The following IL12B variants were observed in gnomAD, a reference collection of about 807,000 sequenced individuals.
IL12B encodes interleukin-12 subunit beta.
Under a neutral mutation model 39.2 loss-of-function variants are expected in IL12B, and 27 were observed. That is an observed-to-expected ratio of 0.69 (90% CI 0.51 to 0.95). The LOEUF is 0.95. IL12B is among the 40% of genes least tolerant of loss of function. IL12B has a pLI of 0.00. For missense variants in IL12B, 351 were observed against 397.6 expected, an observed-to-expected ratio of 0.88 and a Z score of 1.00; for synonymous variants, 142 against 152.1, an observed-to-expected ratio of 0.93 and a Z score of 0.49.
intron 6 of IL12B, 78 bp downstream of exon 6, chr5:159,318,655 TATC>T (rs1754029877): frequency 1.6e-6 from 2 of 1,241,992 alleles, no homozygotes; most frequent in Non-Finnish European, 2.4e-6. Flanking sequence ...TCATTGTTAT[TATC>T]ATCATTCATC....
In IL12B at chr5:159,320,415, GTCC is replaced by G. The variant is rs1562112330; in HGVS notation, c.585_587del (p.Glu195del). On this transcript the variant is annotated inframe_deletion, in exon 5 of 8. Coordinates refer to ENST00000231228, the MANE Select transcript of IL12B (RefSeq NM_002187.3). ...TCTCCTCAGCAGCTGGGCAGGCACT[GTCC>G]TCCTGGCACTCCACTGAGTACTCAT... The G allele has an allele frequency of 1.2e-6, 2 of 1,614,070 alleles. No individual in the cohort carries two copies. The highest frequency in any genetic ancestry group is 1.7e-6 in the Non-Finnish European group (2 of 1,179,950).
intron 4 of IL12B, among the ~76,000 whole-genome samples, chr5:159,321,463 A>G (rs1398692290): frequency 6.6e-6 from 1 of 151,608 alleles, no homozygotes; most frequent in Non-Finnish European, 1.5e-5. Context: ...TATATATTTT[A>G]CTTATACATA....
At position 159,326,729 on chromosome 5, in the gene IL12B, A is replaced by G. The variant is rs1584756661; in HGVS notation, c.54T>C (p.Ser18=). 6.2e-7 allele frequency: 1 copy of G among 1,613,374 alleles called. No homozygotes were observed. The highest frequency in any genetic ancestry group is 8.5e-7 in the Non-Finnish European group (1 of 1,179,414). ...ISWFSLVFLA[S]PLVAIWELKK... is the part of the protein sequence containing the mutation. ...TCAGTTCCCATATGGCCACGAGGGGAGATGCCAGAAAAACCAGGGAAAACC... is the reference window on the plus strand; with the variant it reads ...TCAGTTCCCATATGGCCACGAGGGGGGATGCCAGAAAAACCAGGGAAAACC... Residue 18 remains serine, a synonymous_variant, in exon 2 of 8, where the codon TCT becomes TCC. Coordinates refer to ENST00000231228, the MANE Select transcript of IL12B (RefSeq NM_002187.3).
intron 6 of IL12B, 52 bp from the exon 7 acceptor site, chr5:159,316,868 G>A: frequency 6.2e-7 from 1 of 1,604,212 alleles, no homozygotes; most frequent in Non-Finnish European, 8.5e-7. Flanking sequence ...TAGTCACAGG[G>A]TAAGCTGAGC....
chr5:159,326,919 A>C lies in IL12B; in HGVS notation c.1-137T>G, dbSNP rs998213129. On this transcript the variant is annotated intron_variant, in intron 1 of 7. Coordinates refer to ENST00000231228, the MANE Select transcript of IL12B (RefSeq NM_002187.3). The stretch of plus-strand genomic sequence containing the variant: ...CACATTCTAGCTACTTTTTTTTTAA[A>C]TAAAATCTTGATTCTCCCCTTTCTT... The C allele has an allele frequency of 4.3e-6, 3 of 692,624 alleles. No individual in the cohort carries two copies. In the African/African-American group the frequency reaches 5.4e-5, roughly 12 times the overall value. 42.9% of individuals were successfully genotyped at this position (692,624 alleles called of 1,614,324 possible).
intron 2 of IL12B, among the ~76,000 whole-genome samples, chr5:159,326,024 T>G (rs1309410141): frequency 1.3e-5 from 2 of 152,254 alleles, no homozygotes; most frequent in African/African-American, 4.8e-5. Context: ...TCATGAAAGA[T>G]ATTTTAAACA....
chr5:159,321,335 T>C (rs1375624421), intron 4 of IL12B, among the ~76,000 whole-genome samples: 3 of 146,514 alleles, frequency 2.0e-5, no homozygotes, highest in African/African-American at 5.1e-5. Context: ...TCAAGATAAT[T>C]GTATACACAT....
At chr5:159,323,972 G>C (rs980524983) in intron 2 of IL12B, among the ~76,000 whole-genome samples, 1 of 150,916 alleles carries the variant, frequency 6.6e-6, no homozygotes, top group South Asian at 2.1e-4. Context: ...GTTAGTTATC[G>C]TTACTTATAG....
At position 159,320,389 on chromosome 5, in the gene IL12B, C is replaced by T. The variant is rs768122910; in HGVS notation, c.614G>A (p.Ser205Asn). Residue 205 changes from serine (S) to asparagine (N), a missense_variant, in exon 5 of 8, where the codon AGT becomes AAT. Physicochemically the swap from Ser to Asn is conservative, Grantham distance 46. Transcript: ENST00000231228. The stretch of plus-strand genomic sequence containing the variant: ...ATCCACCATGACCTCAATGGGCAGA[C>T]TCTCCTCAGCAGCTGGGCAGGCACT... ...EDSACPAAEE[S>N]LPIEVMVDAV... The T allele has an allele frequency of 1.2e-6, 2 of 1,614,182 alleles. No homozygotes were observed. Among genetic ancestry groups the T allele is most frequent in the Admixed American group, 1.7e-5 (1 of 60,028 alleles).
intron 5 of IL12B, among the ~76,000 whole-genome samples, chr5:159,319,567 C>A (rs1173117291): frequency 2.0e-5 from 3 of 152,224 alleles, no homozygotes; most frequent in African/African-American, 7.2e-5. Flanking sequence ...GTAGGCCTGG[C>A]ACTGCTCCAC....
At chr5:159,321,909 T>C (rs1297221602) in intron 4 of IL12B, among the ~76,000 whole-genome samples, 1 of 152,132 alleles carries the variant, frequency 6.6e-6, no homozygotes, top group African/African-American at 2.4e-5. Context: ...TTCAGATTAG[T>C]GGTGTCAGCA....
In IL12B at chr5:159,320,503, C is replaced by T. The variant is rs1584753640; in HGVS notation, c.500G>A (p.Gly167Glu). ...KSSRGSSDPQ[G>E]VTCGAATLSA... ...GAGTGTAGCAGCTCCGCACGTCACC[C>T]CTTGGGGGTCAGAAGAGCTGAAGTC... is the stretch of plus-strand genomic sequence containing the variant. The change falls in exon 5 of 8, where the codon GGG becomes GAG. Residue 167 changes from glycine to glutamate, a missense_variant. Physicochemically the swap from Gly to Glu is moderately conservative, Grantham distance 98. Transcript: ENST00000231228. 5.0e-6 allele frequency: 8 copies of T among 1,614,080 alleles called. No individual in the cohort carries two copies. The highest frequency in any genetic ancestry group is 2.2e-5 in the East Asian group (1 of 44,882).
chr5:159,323,372 G>A (rs1316740451), intron 2 of IL12B, 43 bp from the exon 3 acceptor site: 5 of 1,593,928 alleles, frequency 3.1e-6, no homozygotes, highest in Non-Finnish European at 3.4e-6. Context: ...TAAGCTCCAG[G>A]AACTCTGGGA....
At chr5:159,320,644 G>T in intron 4 of IL12B, 124 bp from the exon 5 acceptor site, 1 of 804,544 alleles carries the variant, frequency 1.2e-6, no homozygotes, top group African/African-American at 1.7e-5. Context: ...CAACTGGGCT[G>T]ATTTCTACCC....
chr5:159,320,276 A>G (rs377218124), intron 5 of IL12B, 30 bp downstream of exon 5: 25 of 1,573,898 alleles, frequency 1.6e-5, no homozygotes, highest in Non-Finnish European at 9.6e-6. Context: ...ATCTTTCCTT[A>G]TGGAGCACAT....
chr5:159,322,582 A>G, intron 3 of IL12B, 71 bp from the exon 4 acceptor site: 1 of 963,444 alleles, frequency 1.0e-6, no homozygotes, highest in Non-Finnish European at 1.7e-6. Flanking sequence ...GTGATGAATC[A>G]CAGATCACCA....
At chr5:159,326,595 T>A (rs1287578139) in intron 2 of IL12B, 100 bp downstream of exon 2, 1 of 807,588 alleles carries the variant, frequency 1.2e-6, no homozygotes, top group South Asian at 1.4e-5. Flanking sequence ...GAGGACCCAG[T>A]GCATGGTTGC....
At chr5:159,325,773 A>T (rs946967055) in intron 2 of IL12B, 1 of 152,182 alleles carries the variant, frequency 6.6e-6, no homozygotes, top group East Asian at 1.9e-4. Flanking sequence ...GAGACAGTGC[A>T]CTCAATAAAC....
chr5:159,320,515 G>C lies in IL12B; in HGVS notation c.488C>G (p.Ser163Cys). The C allele has an allele frequency of 1.2e-6, 2 of 1,613,546 alleles. No individual in the cohort carries two copies. The highest frequency in any genetic ancestry group is 1.7e-6 in the Non-Finnish European group (2 of 1,179,478). Residue 163 changes from serine (S) to cysteine (C), a missense_variant, in exon 5 of 8, where the codon TCT becomes TGT. Ser to Cys is a moderately radical substitution (Grantham distance 112). Transcript: ENST00000231228. ...TFSVKSSRGS[S>C]DPQGVTCGAA... ...TCCGCACGTCACCCCTTGGGGGTCA[G>C]AAGAGCTGAAGTCAAAGACAGAAAT...
Sources: allele counts gnomAD v4.1 joint callset (sites outside exome capture counted in the v4.1 genomes callset), GRCh38; gene constraint gnomAD v4.1.1; transcripts MANE v1.5; gene names NCBI Gene and HGNC (gene_info 2026-07-23, HGNC 2026-07-21).